UPF1: variants seen among roughly 807,000 people sequenced by gnomAD.
The protein encoded by UPF1 is regulator of nonsense transcripts 1.
In UPF1, 9 loss-of-function variants were observed where a neutral mutation model predicts 129.2. The ratio of observed to expected loss-of-function variants is 0.07; its 90% CI spans 0.04 to 0.12. The LOEUF (loss-of-function observed/expected upper bound fraction) is 0.12. Ranked by LOEUF, UPF1 falls within the 10% of genes least tolerant of loss-of-function variation. The pLI, the probability that UPF1 is intolerant of heterozygous loss-of-function variation, is 1.00. For synonymous variants in UPF1, 649 were observed against 644.9 expected, an observed-to-expected ratio of 1.01 and a Z score of -0.10; for missense variants, 788 against 1,525.3, an observed-to-expected ratio of 0.52 and a Z score of 8.05.
At chr19:18,860,128 C>CTGTA in intron 15 of UPF1, 193 bp from the exon 16 acceptor site, 2 of 607,902 alleles carry the variant, frequency 3.3e-6, no homozygotes, top group Non-Finnish European at 5.8e-6. Flanking sequence ...GTGGCCTCTC[C>CTGTA]TCAGCCTTGC....
chr19:18,865,405 A>C lies in UPF1; in HGVS notation c.2974A>C (p.Met992Leu), dbSNP rs772991342. ...PIPFNLVMPPMPPPGYFGQAN... is the reference protein window; with the variant it reads ...PIPFNLVMPPLPPPGYFGQAN... ...CCCCTTCAACCTGGTCATGCCACCC[A>C]TGCCACCGCCTGGCTATTTTGGACA... The change falls in exon 21 of 24, where the codon ATG (methionine) becomes CTG (leucine). Residue 992 changes from methionine to leucine, a missense_variant. Met to Leu is a conservative substitution (Grantham distance 15). This residue lies in a region of UPF1 where 218 missense variants were observed against 318.1 expected (regional missense o/e 0.69). Coordinates refer to ENST00000262803, the MANE Select transcript of UPF1 (RefSeq NM_002911.4). The surrounding 1 kb of genome is among the most constrained non-coding windows in gnomAD (Gnocchi z 6.1). 6.2e-6 allele frequency: 10 copies of C among 1,613,876 alleles called. No individual in the cohort carries two copies. The highest frequency in any genetic ancestry group is 1.3e-5 in the African/African-American group (1 of 74,922).
chr19:18,856,237 G>A lies in UPF1; in HGVS notation c.1761G>A (p.Leu587=). 1 of 1,610,604 alleles carries A rather than the reference G, an allele frequency of 6.2e-7. No homozygotes were observed. The highest frequency in any genetic ancestry group is 8.5e-7 in the Non-Finnish European group (1 of 1,177,268). The change falls in exon 13 of 24, where the codon CTG becomes CTA. Residue 587 remains leucine, a synonymous_variant. Coordinates refer to ENST00000262803, the MANE Select transcript of UPF1 (RefSeq NM_002911.4). The stretch of plus-strand genomic sequence containing the variant: ...AGCTGAAAGACGAGACTGGGGAGCT[G>A]TCGTCTGCCGACGAGAAGCGGTACC... ...LQQLKDETGE[L]SSADEKRYRA...
Position 18,857,312 on chromosome 19 carries a change from TC to T in UPF1, c.1969-6del, listed in dbSNP as rs2055729689. 1 of 1,608,648 alleles carries T rather than the reference TC, an allele frequency of 6.2e-7. No individual in the cohort carries two copies. The highest frequency in any genetic ancestry group is 8.5e-7 in the Non-Finnish European group (1 of 1,178,202). On this transcript the variant is annotated splice_region_variant and splice_polypyrimidine_tract_variant and intron_variant, in intron 14 of 23. Transcript: ENST00000262803. Reference sequence around the variant, plus strand: ...CTTCTTGACTTGTGGGGGCCCCTGTTCCTACAGCTGATCCTTGTAGGCGACC... The same window carrying T: ...CTTCTTGACTTGTGGGGGCCCCTGTTCTACAGCTGATCCTTGTAGGCGACC...
rs529364714 is a variant in UPF1, at chr19:18,858,734, A to G, written c.2182+1201A>G. ...GCTGCCTCCGATTCAGCCAGATAGT[A>G]AGGAGATTTGCAGAAATGGGAGACA... On this transcript the variant is annotated intron_variant, in intron 15 of 23. Transcript: ENST00000262803. Among the ~76,000 whole-genome samples, 8 of 152,228 alleles carry G rather than the reference A, an allele frequency of 5.3e-5. No homozygotes were observed. The East Asian group carries it at 1.5e-3, about 29-fold the overall frequency.
chr19:18,864,320 C>T, intron 20 of UPF1, 69 bp downstream of exon 20: 1 of 1,443,882 alleles, frequency 6.9e-7, no homozygotes, highest in East Asian at 2.3e-5. Context: ...GTTCCCATGG[C>T]TGCAGCTTTA....
chr19:18,834,939 A>T (rs1257270423), intron 1 of UPF1, among the ~76,000 whole-genome samples: 3 of 152,178 alleles, frequency 2.0e-5, no homozygotes, highest in African/African-American at 7.2e-5. Flanking sequence ...TAGCGGCTTT[A>T]TTGAAATAGA....
chr19:18,851,023 A>C lies in UPF1; in HGVS notation c.810+155A>C. 3.3e-6 allele frequency: 3 copies of C among 912,314 alleles called. No homozygotes were observed. The highest frequency in any genetic ancestry group is 3.1e-6 in the Non-Finnish European group (2 of 651,792). The allele number at this position is 912,314 out of a possible 1,614,324, so 56.5% of individuals were successfully genotyped here. A position where few individuals can be genotyped will look rare whatever the true frequency, so the allele number is the denominator to read the frequency against. ...TGCCACCTCTACGTGGAATGACCTC[A>C]GGGCACCTTGGTCACCTTCCATCCA... On this transcript the variant is annotated intron_variant, in intron 5 of 23. Transcript: ENST00000262803. The surrounding 1 kb of genome is among the most constrained non-coding windows in gnomAD (Gnocchi z 4.2).
intron 1 of UPF1, among the ~76,000 whole-genome samples, chr19:18,839,342 C>T (rs553056437): frequency 6.6e-6 from 1 of 152,320 alleles, no homozygotes; most frequent in South Asian, 2.1e-4. Flanking sequence ...GATCTGCCCA[C>T]CTTGGCCTTC....
intron 1 of UPF1, among the ~76,000 whole-genome samples, chr19:18,845,241 G>A (rs1462414588): frequency 1.3e-5 from 2 of 152,236 alleles, no homozygotes; most frequent in Non-Finnish European, 2.9e-5. Flanking sequence ...CCCGTGGTGG[G>A]GTTAGGTGGC....
chr19:18,840,909 G>A (rs2055534241), intron 1 of UPF1, among the ~76,000 whole-genome samples: 1 of 152,196 alleles, frequency 6.6e-6, no homozygotes, highest in Non-Finnish European at 1.5e-5. Flanking sequence ...GTGTCTAGAT[G>A]TGTAAAGGTG....
At chr19:18,856,774 AG>A in intron 13 of UPF1, 102 bp from the exon 14 acceptor site, 2 of 1,453,242 alleles carry the variant, frequency 1.4e-6, no homozygotes, top group Non-Finnish European at 1.8e-6. Context: ...AGTGTCAGGG[AG>A]GGTGAGAAAC....
Position 18,861,963 on chromosome 19 carries a change from G to C in UPF1, c.2458-47G>C, listed in dbSNP as rs769150380. On this transcript the variant is annotated intron_variant, in intron 17 of 23. Transcript: ENST00000262803. ...GTGTTTCCTGCATTTTGGGGGGACT[G>C]GGAAGGCAGCCTGCTGGCTGATAGT... 2.5e-6 allele frequency: 4 copies of C among 1,605,296 alleles called. No individual in the cohort carries two copies. The South Asian group carries it at 4.4e-5, about 18-fold the overall frequency.
chr19:18,836,448 A>G lies in UPF1; in HGVS notation c.231+4008A>G, dbSNP rs576616528. 1.4e-4 allele frequency among the ~76,000 whole-genome samples: 22 copies of G among 152,350 alleles called. 1 individual carries two copies. The highest frequency in any genetic ancestry group is 1.1e-3 in the Admixed American group (17 of 15,296). ...TACTTTTTTGTATGTGTCATTCATC[A>G]TATGATTTAATTCATAAAAAAATTC... On this transcript the variant is annotated intron_variant, in intron 1 of 23. Coordinates refer to ENST00000262803, the MANE Select transcript of UPF1 (RefSeq NM_002911.4).
At position 18,866,088 on chromosome 19, in the gene UPF1, G is replaced by A. The variant is rs1231076526; in HGVS notation, c.3282G>A (p.Ala1094=). The A allele has an allele frequency of 5.6e-6, 9 of 1,613,054 alleles. No homozygotes were observed. Among genetic ancestry groups the A allele is most frequent in the Admixed American group, 1.7e-5 (1 of 59,770 alleles). Reference sequence around the variant, plus strand: ...AGTTTAAATCACAAATCGACGTGGCGCTCTCACAGGACTCCACGTACCAGG... The same window carrying A: ...AGTTTAAATCACAAATCGACGTGGCACTCTCACAGGACTCCACGTACCAGG... ...GDEFKSQIDV[A]LSQDSTYQGE... Residue 1094 remains alanine (A), a synonymous_variant, in exon 23 of 24, where the codon GCG becomes GCA. Coordinates refer to ENST00000262803, the MANE Select transcript of UPF1 (RefSeq NM_002911.4).
Position 18,855,255 on chromosome 19 carries a change from C to T in UPF1, c.1544+13C>T, listed in dbSNP as rs369086981. 2.1e-4 allele frequency: 332 copies of T among 1,607,180 alleles called. 3 individuals carry two copies. The highest frequency in any genetic ancestry group is 1.4e-3 in the South Asian group (131 of 91,014). On this transcript the variant is annotated intron_variant, in intron 11 of 23. Transcript: ENST00000262803. ...GGCAAGGCAACGGGTAGGGCTGACACGGCCCTTGCGGGCAAGACCCGGGAG... is the reference window on the plus strand; with the variant it reads ...GGCAAGGCAACGGGTAGGGCTGACATGGCCCTTGCGGGCAAGACCCGGGAG...
At chr19:18,846,424 G>T (rs1489558022) in intron 2 of UPF1, among the ~76,000 whole-genome samples, 3 of 152,014 alleles carry the variant, frequency 2.0e-5, no homozygotes, top group Non-Finnish European at 2.9e-5. Flanking sequence ...CTCATAGAAA[G>T]AATTTGTCAT....
At position 18,853,580 on chromosome 19, in the gene UPF1, T is replaced by C. The variant is rs942239254; in HGVS notation, c.1156+230T>C. ...CCCTCTGCCCGAATGGTGATGTTGGTGATGCCACTTGTGTGGCGCGTCCCT... is the reference window on the plus strand; with the variant it reads ...CCCTCTGCCCGAATGGTGATGTTGGCGATGCCACTTGTGTGGCGCGTCCCT... On this transcript the variant is annotated intron_variant, in intron 8 of 23. Transcript: ENST00000262803. This position sits in a 1 kb window ranked among gnomAD's most constrained non-coding sequence, Gnocchi z 4.4. 6.6e-6 allele frequency among the ~76,000 whole-genome samples: 1 copy of C among 152,208 alleles called. No individual in the cohort carries two copies. The highest frequency in any genetic ancestry group is 2.4e-5 in the African/African-American group (1 of 41,446).
At chr19:18,855,525 G>A (rs932609661) in intron 11 of UPF1, 9 of 546,344 alleles carry the variant, frequency 1.6e-5, no homozygotes, top group East Asian at 3.2e-5. Context: ...ATAGTGTGGC[G>A]GGATGGTGCA....
At chr19:18,861,683 T>C (rs1033423849) in intron 17 of UPF1, among the ~76,000 whole-genome samples, 6 of 151,856 alleles carry the variant, frequency 4.0e-5, no homozygotes, top group Non-Finnish European at 7.4e-5. Context: ...AAAAAAATAA[T>C]AACTGGGTAT....
Sources: allele counts gnomAD v4.1 joint callset (sites outside exome capture counted in the v4.1 genomes callset), GRCh38; gene constraint gnomAD v4.1.1; regional missense constraint gnomAD v4.1.1; non-coding constraint Gnocchi (gnomAD v3.1); transcripts MANE v1.5; gene names NCBI Gene and HGNC (gene_info 2026-07-23, HGNC 2026-07-21).